Variants in NT5DC1 observed in about 807,000 individuals in gnomAD.
The protein encoded by NT5DC1 is 5'-nucleotidase domain-containing protein 1.
A neutral mutation model predicts 59.4 loss-of-function variants in NT5DC1; 42 were observed. The observed-to-expected ratio is 0.71, with a 90% CI of 0.55 to 0.92. NT5DC1 has a LOEUF of 0.92. Ranked by LOEUF, NT5DC1 falls within the 40% of genes least tolerant of loss-of-function variation. The pLI is 0.00. For missense variants in NT5DC1, 501 were observed against 537.1 expected, an observed-to-expected ratio of 0.93 and a Z score of 0.66; for synonymous variants, 172 against 188.1, an observed-to-expected ratio of 0.91 and a Z score of 0.70.
chr6:116,221,429 T>C (rs942242790), intron 7 of NT5DC1, among the ~76,000 whole-genome samples: 3 of 152,208 alleles, frequency 2.0e-5, no homozygotes, highest in African/African-American at 4.8e-5. Context: ...AGCAGTGTTA[T>C]TGGGGACCAG....
chr6:116,102,546 A>T (rs558358882), intron 1 of NT5DC1, among the ~76,000 whole-genome samples: 2 of 152,276 alleles, frequency 1.3e-5, no homozygotes, highest in African/African-American at 4.8e-5. Context: ...ATTTGGAGGT[A>T]ATATTGTTAA....
intron 6 of NT5DC1, among the ~76,000 whole-genome samples, chr6:116,195,840 A>T (rs1161349010): frequency 6.6e-6 from 1 of 152,006 alleles, no homozygotes; most frequent in Non-Finnish European, 1.5e-5. Flanking sequence ...GACCAAAGAG[A>T]TGCTATTTTC....
At chr6:116,204,956 G>A (rs1781421311) in intron 6 of NT5DC1, among the ~76,000 whole-genome samples, 1 of 151,920 alleles carries the variant, frequency 6.6e-6, no homozygotes, top group Admixed American at 6.6e-5. Context: ...GAAAATACAT[G>A]TATATGTGTG....
At chr6:116,125,992 A>G (rs1298489882) in intron 6 of NT5DC1, 1 of 154,762 alleles carries the variant, frequency 6.5e-6, no homozygotes, top group East Asian at 1.9e-4. Flanking sequence ...AAGTATTTAA[A>G]TCTTTAAAGT....
At chr6:116,121,341 C>A (rs1283578377) in intron 6 of NT5DC1, 1 of 1,614,100 alleles carries the variant, frequency 6.2e-7, no homozygotes, top group South Asian at 1.1e-5. Context: ...CCTTCTGGCC[C>A]TCGTTCCCCA....
chr6:116,229,487 A>C (rs1339106266), intron 8 of NT5DC1, among the ~76,000 whole-genome samples: 2 of 152,170 alleles, frequency 1.3e-5, no homozygotes, highest in East Asian at 1.9e-4. Flanking sequence ...TGCTGATGCC[A>C]GTGTCAGTCA....
At chr6:116,199,078 C>A (rs1781292392) in intron 6 of NT5DC1, among the ~76,000 whole-genome samples, 1 of 151,996 alleles carries the variant, frequency 6.6e-6, no homozygotes, top group Non-Finnish European at 1.5e-5. Flanking sequence ...AGTAGCAGCA[C>A]CCTCCACCCA....
chr6:116,118,634 A>C (rs755041208), intron 6 of NT5DC1, among the ~76,000 whole-genome samples: 2 of 152,258 alleles, frequency 1.3e-5, no homozygotes, highest in Non-Finnish European at 1.5e-5. Flanking sequence ...AAACAATTTT[A>C]AATATTATAA....
At chr6:116,186,617 G>C (rs1781005406) in intron 6 of NT5DC1, among the ~76,000 whole-genome samples, 1 of 151,930 alleles carries the variant, frequency 6.6e-6, no homozygotes, top group South Asian at 2.1e-4. Context: ...GAGTTAATTT[G>C]AAAGCCTTGT....
chr6:116,160,418 T>C (rs1181137256), intron 6 of NT5DC1, among the ~76,000 whole-genome samples: 1 of 152,176 alleles, frequency 6.6e-6, no homozygotes, highest in Non-Finnish European at 1.5e-5. Flanking sequence ...TGTCTTATTT[T>C]GAGAAGTGTC....
chr6:116,185,685 G>A (rs571950485), intron 6 of NT5DC1, among the ~76,000 whole-genome samples: 10 of 152,014 alleles, frequency 6.6e-5, no homozygotes, highest in South Asian at 2.1e-4. Context: ...GAATAGCTAC[G>A]CCTGCTTGCT....
At chr6:116,159,821 C>G (rs1439450613) in intron 6 of NT5DC1, among the ~76,000 whole-genome samples, 4 of 152,116 alleles carry the variant, frequency 2.6e-5, no homozygotes, top group Non-Finnish European at 5.9e-5. Context: ...TTATTTCCAT[C>G]TTTATGTCCA....
At chr6:116,204,493 G>A (rs1451769708) in intron 6 of NT5DC1, among the ~76,000 whole-genome samples, 2 of 151,886 alleles carry the variant, frequency 1.3e-5, no homozygotes, top group African/African-American at 4.8e-5. Context: ...TGGGGTAAGT[G>A]TACACACATA....
At chr6:116,235,286 G>A (rs1244994778) in intron 8 of NT5DC1, among the ~76,000 whole-genome samples, 2 of 152,108 alleles carry the variant, frequency 1.3e-5, no homozygotes, top group Admixed American at 1.3e-4. Flanking sequence ...ACAGACATGA[G>A]AAGTGATCAC....
At chr6:116,111,568 GT>G (rs1305035496) in intron 4 of NT5DC1, among the ~76,000 whole-genome samples, 1 of 152,076 alleles carries the variant, frequency 6.6e-6, no homozygotes, top group Non-Finnish European at 1.5e-5. Flanking sequence ...CTAATTATTA[GT>G]TTTTTTATTT....
intron 6 of NT5DC1, among the ~76,000 whole-genome samples, chr6:116,212,353 A>G (rs150436800): frequency 3.3e-5 from 5 of 152,252 alleles, no homozygotes; most frequent in Non-Finnish European, 5.9e-5. Flanking sequence ...TACTCTGTCT[A>G]TGCAAGGTAT....
chr6:116,186,159 A>G (rs1040834212), intron 6 of NT5DC1, among the ~76,000 whole-genome samples: 1 of 151,806 alleles, frequency 6.6e-6, no homozygotes, highest in Non-Finnish European at 1.5e-5. Flanking sequence ...AAATTCTTAT[A>G]TGATAATTAT....
intron 6 of NT5DC1, among the ~76,000 whole-genome samples, chr6:116,210,865 T>C (rs1264744803): frequency 1.3e-5 from 2 of 151,988 alleles, no homozygotes; most frequent in Admixed American, 1.3e-4. Context: ...ACAGAAAATA[T>C]ACTGGCAGGA....
intron 6 of NT5DC1, among the ~76,000 whole-genome samples, chr6:116,176,252 T>C (rs550658107): frequency 1.3e-5 from 2 of 152,310 alleles, no homozygotes; most frequent in African/African-American, 4.8e-5. Flanking sequence ...CTCCAGCTAA[T>C]GTTTCAGCTG....
Sources: allele counts gnomAD v4.1 joint callset (sites outside exome capture counted in the v4.1 genomes callset), GRCh38; gene constraint gnomAD v4.1.1; transcripts MANE v1.5; gene names NCBI Gene and HGNC (gene_info 2026-07-23, HGNC 2026-07-21).